The following TUBGCP5 variants were observed in gnomAD, a reference collection of about 807,000 sequenced individuals.
The protein encoded by TUBGCP5 is gamma-tubulin complex component 5.
In TUBGCP5, 98 loss-of-function variants were observed where a neutral mutation model predicts 134.7. The observed-to-expected ratio is 0.73, with a 90% CI of 0.62 to 0.86. The LOEUF (loss-of-function observed/expected upper bound fraction) is 0.86, where lower values mean the gene tolerates loss of function less well. TUBGCP5 is among the 40% of genes least tolerant of loss of function. The pLI is 0.00. For missense variants in TUBGCP5, 1,150 were observed against 1,244.8 expected (o/e 0.92, Z 1.15); for synonymous variants, 456 against 431.4 (o/e 1.06, Z -0.71).
intron 23 of TUBGCP5, among the ~76,000 whole-genome samples, chr15:22,985,930 G>A (rs1027796450): frequency 1.3e-5 from 2 of 151,692 alleles, no homozygotes; most frequent in African/African-American, 2.4e-5. Flanking sequence ...TCAGGAGATC[G>A]AGACCATCCT....
downstream of TUBGCP5, among the ~76,000 whole-genome samples, chr15:22,996,435 A>C (rs1188631709): frequency 6.6e-6 from 1 of 152,172 alleles, no homozygotes; most frequent in Non-Finnish European, 1.5e-5. Context: ...ACTTGGGCCC[A>C]GGAATTCACA....
rs1027319423 is a variant in TUBGCP5 at position 23,018,119 on chromosome 15, G to C, written c.1488-78C>G. 1.1e-5 allele frequency: 15 copies of C among 1,397,488 alleles called. No individual in the cohort carries two copies. The African/African-American group carries it at 1.9e-4, about 18-fold the overall frequency. 86.6% of individuals were successfully genotyped at this position (1,397,488 alleles called of 1,614,324 possible). ...CATACTTGTTCTAGTTTGTTGTCCA[G>C]ACATTATAAAACATAGTATTAATTA... On this transcript the variant is annotated intron_variant, in intron 12 of 22. Transcript: ENST00000615383.
chr15:22,990,334 A>G (rs989839876), intron 23 of TUBGCP5, among the ~76,000 whole-genome samples: 2 of 151,804 alleles, frequency 1.3e-5, no homozygotes, highest in African/African-American at 4.8e-5. Flanking sequence ...CCCATCTCAG[A>G]GTAGAGGCAC....
intron 12 of TUBGCP5, among the ~76,000 whole-genome samples, chr15:23,018,839 G>A (rs1335217816): frequency 6.6e-6 from 1 of 152,046 alleles, no homozygotes; most frequent in Admixed American, 6.6e-5. Flanking sequence ...AAATATATTA[G>A]AGGCATACTC....
chr15:23,019,485 C>T, intron 11 of TUBGCP5, 151 bp from the exon 12 acceptor site: 1 of 616,662 alleles, frequency 1.6e-6, no homozygotes, highest in Non-Finnish European at 2.9e-6. Flanking sequence ...AAAACATACA[C>T]TATAAAATCC....
At chr15:23,002,686 C>A (rs763476124) in intron 21 of TUBGCP5, among the ~76,000 whole-genome samples, 1 of 152,142 alleles carries the variant, frequency 6.6e-6, no homozygotes, top group Non-Finnish European at 1.5e-5. Flanking sequence ...ACAGAGCTGT[C>A]CTCACTGGCA....
At position 23,008,744 on chromosome 15, in the gene TUBGCP5, T is replaced by C; in HGVS notation, c.2282A>G (p.Gln761Arg). 2 of 1,607,666 alleles carry C rather than the reference T, an allele frequency of 1.2e-6. No homozygotes were observed. The highest frequency in any genetic ancestry group is 8.5e-7 in the Non-Finnish European group (1 of 1,178,682). The part of the protein sequence containing the change: ...TWQNVSFLNV[Q>R]LQEAVGQRYP... ...ACGCTGTCCTACTGCTTCTTGGAGT[T>C]GGACATTAAGAAAAGACACATTCTG... Residue 761 changes from glutamine to arginine, a missense_variant, in exon 16 of 23, where the codon CAA becomes CGA. Coordinates refer to ENST00000615383, the MANE Select transcript of TUBGCP5 (RefSeq NM_052903.6).
chr15:23,015,430 C>A (rs1241167200), intron 13 of TUBGCP5, among the ~76,000 whole-genome samples: 2 of 149,088 alleles, frequency 1.3e-5, no homozygotes, highest in Non-Finnish European at 1.5e-5. Flanking sequence ...TTGCTTGAGG[C>A]TAGGAGTTTG....
chr15:23,002,797 CAT>C (rs1389217948), intron 21 of TUBGCP5, among the ~76,000 whole-genome samples: 1 of 151,904 alleles, frequency 6.6e-6, no homozygotes, highest in Non-Finnish European at 1.5e-5. Context: ...CACAATATAA[CAT>C]GAGTATAATC....
chr15:23,005,665 C>A, intron 18 of TUBGCP5, 55 bp from the exon 19 acceptor site: 1 of 1,544,494 alleles, frequency 6.5e-7, no homozygotes, highest in Non-Finnish European at 8.8e-7. Flanking sequence ...TCAAACCCCA[C>A]TGCACCATGA....
At chr15:23,024,884 T>G (rs2065901725) in intron 8 of TUBGCP5, 54 bp from the exon 9 acceptor site, 1 of 1,097,108 alleles carries the variant, frequency 9.1e-7, no homozygotes, top group East Asian at 2.4e-5. Flanking sequence ...AAAATATTCA[T>G]GACAGTATGC....
chr15:23,000,644 A>T lies in TUBGCP5; in HGVS notation c.2953T>A (p.Ser985Thr). The change falls in exon 22 of 23, where the codon TCT (serine) becomes ACT (threonine). Residue 985 changes from serine to threonine, a missense_variant. Coordinates refer to ENST00000615383, the MANE Select transcript of TUBGCP5 (RefSeq NM_052903.6). The stretch of plus-strand genomic sequence containing the variant: ...AACATATGGCAGTTTTTAAAATCAG[A>T]TTCCATTTTCTCTATAGATTCCATT... ...WRMESIEKME[S>T]DFKNCHMFLV... 1 of 1,606,760 alleles carries T rather than the reference A, an allele frequency of 6.2e-7. No individual in the cohort carries two copies. Among genetic ancestry groups the T allele is most frequent in the Non-Finnish European group, 8.5e-7 (1 of 1,174,828 alleles).
chr15:23,020,088 C>T (rs2065582439), intron 11 of TUBGCP5, among the ~76,000 whole-genome samples: 2 of 151,772 alleles, frequency 1.3e-5, no homozygotes, highest in African/African-American at 4.8e-5. Context: ...ACCAGCCTGG[C>T]CAATATGGTG....
At chr15:23,034,680 G>A (rs937661967) in intron 3 of TUBGCP5, among the ~76,000 whole-genome samples, 10 of 151,976 alleles carry the variant, frequency 6.6e-5, no homozygotes, top group Admixed American at 3.9e-4. Flanking sequence ...CCAACATGGC[G>A]AAACCTCATC....
rs745750023 is a variant in TUBGCP5, at chr15:23,013,545, G to A, written c.1757-2214C>T. ...ACTGGAGGCCCAGGAGGGCAGTGTG[G>A]AGGCTTCCAGCCTCTGCAGCTTCGC... is the stretch of plus-strand genomic sequence containing the variant. On this transcript the variant is annotated intron_variant, in intron 13 of 22. Transcript: ENST00000615383. The surrounding 1 kb of genome is among the most constrained non-coding windows in gnomAD (Gnocchi z 4.5). Among the ~76,000 whole-genome samples, 6 of 152,198 alleles carry A rather than the reference G, an allele frequency of 3.9e-5. No homozygotes were observed. The highest frequency in any genetic ancestry group is 5.9e-5 in the Non-Finnish European group (4 of 68,024).
intron 16 of TUBGCP5, among the ~76,000 whole-genome samples, chr15:23,006,906 G>A (rs776776381): frequency 6.6e-6 from 1 of 152,170 alleles, no homozygotes; most frequent in Non-Finnish European, 1.5e-5. Flanking sequence ...GCACTATTAT[G>A]TGTCCTTAGC....
chr15:23,020,263 T>C (rs1171667642), intron 11 of TUBGCP5, among the ~76,000 whole-genome samples: 1 of 151,752 alleles, frequency 6.6e-6, no homozygotes, highest in Non-Finnish European at 1.5e-5. Flanking sequence ...AAAAATTAGA[T>C]GGGCATGGTG....
At chr15:23,008,419 A>G in intron 16 of TUBGCP5, 1 of 395,096 alleles carries the variant, frequency 2.5e-6, no homozygotes, top group South Asian at 2.3e-5. Context: ...GGCGCCTGCC[A>G]CCATGCTTTT....
chr15:22,985,493 C>T (rs1358023285), intron 23 of TUBGCP5, among the ~76,000 whole-genome samples: 2 of 152,140 alleles, frequency 1.3e-5, no homozygotes, highest in Admixed American at 1.3e-4. Flanking sequence ...GCTAGGATTA[C>T]AGGCATGAGC....
Sources: allele counts gnomAD v4.1 joint callset (sites outside exome capture counted in the v4.1 genomes callset), GRCh38; gene constraint gnomAD v4.1.1; non-coding constraint Gnocchi (gnomAD v3.1); transcripts MANE v1.5; gene names NCBI Gene and HGNC (gene_info 2026-07-23, HGNC 2026-07-21).